Variants in SLC2A9 observed in about 807,000 individuals in gnomAD.
SLC2A9 encodes the protein solute carrier family 2, facilitated glucose transporter member 9.
A neutral mutation model predicts 50.6 loss-of-function variants in SLC2A9; 39 were observed. The ratio of observed to expected loss-of-function variants is 0.77; its 90% confidence interval spans 0.60 to 1.01. The LOEUF (loss-of-function observed/expected upper bound fraction) is 1.01, where lower values mean the gene tolerates loss of function less well. SLC2A9 is among the 50% of genes least tolerant of loss of function. SLC2A9 has a pLI of 0.00. For synonymous variants in SLC2A9, 324 were observed against 276.9 expected (o/e 1.17, Z -1.69); for missense variants, 686 against 677.6 (o/e 1.01, Z -0.14).
At chr4:9,915,954 A>G (rs1391835269) in intron 7 of SLC2A9, among the ~76,000 whole-genome samples, 5 of 152,242 alleles carry the variant, frequency 3.3e-5, no homozygotes, top group African/African-American at 9.6e-5. Flanking sequence ...TGATGGTTCA[A>G]CAAATCAGAT....
At chr4:9,848,937 T>G (rs1383753737) in intron 10 of SLC2A9, among the ~76,000 whole-genome samples, 1 of 152,104 alleles carries the variant, frequency 6.6e-6, no homozygotes, top group South Asian at 2.1e-4. Context: ...CTCCTGACCT[T>G]GTGATCCGCC....
chr4:9,961,309 T>C (rs1752237846), intron 5 of SLC2A9, among the ~76,000 whole-genome samples: 1 of 152,126 alleles, frequency 6.6e-6, no homozygotes, highest in East Asian at 1.9e-4. Flanking sequence ...CTTCAAACTA[T>C]ACTACAAGGC....
intron 5 of SLC2A9, among the ~76,000 whole-genome samples, chr4:9,948,584 C>T (rs547903754): frequency 6.6e-6 from 1 of 152,344 alleles, no homozygotes; most frequent in South Asian, 2.1e-4. Flanking sequence ...CAAGGCTACC[C>T]AGCCCTCCCC....
intron 5 of SLC2A9, among the ~76,000 whole-genome samples, chr4:9,971,038 C>T (rs1036326073): frequency 1.3e-5 from 2 of 152,150 alleles, no homozygotes; most frequent in African/African-American, 2.4e-5. Context: ...CATGTAAAAT[C>T]TTTAGTGTTG....
At chr4:9,887,450 C>T in intron 10 of SLC2A9, 117 bp downstream of exon 10, 5 of 954,988 alleles carry the variant, frequency 5.2e-6, no homozygotes, top group Non-Finnish European at 7.8e-6. Flanking sequence ...ACACACATCC[C>T]CAGTCAGGCT....
At chr4:10,004,792 G>A (rs560006790) in intron 2 of SLC2A9, among the ~76,000 whole-genome samples, 9 of 152,334 alleles carry the variant, frequency 5.9e-5, no homozygotes, top group Admixed American at 3.9e-4. Context: ...GCCAAGTCAT[G>A]AAGGCTTGGA....
intron 6 of SLC2A9, among the ~76,000 whole-genome samples, chr4:9,939,326 C>T (rs1446692760): frequency 6.6e-6 from 1 of 152,152 alleles, no homozygotes; most frequent in East Asian, 1.9e-4. Flanking sequence ...GGTTTGTGAA[C>T]TGGGGCATGC....
chr4:9,783,717 G>T (rs1718841078), intron 3 of SLC2A9: 2 of 432,840 alleles, frequency 4.6e-6, no homozygotes, highest in Non-Finnish European at 8.5e-6. Context: ...AAGAGAGTAT[G>T]GTGCTGGGTC....
chr4:9,879,116 T>A, intron 10 of SLC2A9: 1 of 981,712 alleles, frequency 1.0e-6, no homozygotes, highest in African/African-American at 1.8e-5. Flanking sequence ...TTTGAAGCAG[T>A]CCCTGATGTT....
At chr4:9,811,680 A>T (rs1722912197) in intron 3 of SLC2A9, among the ~76,000 whole-genome samples, 1 of 152,212 alleles carries the variant, frequency 6.6e-6, no homozygotes, top group Non-Finnish European at 1.5e-5. Context: ...CTGAGCCTGA[A>T]TTGCTGATGC....
intron 5 of SLC2A9, among the ~76,000 whole-genome samples, chr4:9,950,000 C>T (rs1749928135): frequency 6.6e-6 from 1 of 152,110 alleles, no homozygotes; most frequent in South Asian, 2.1e-4. Flanking sequence ...GGGAAGGACC[C>T]TGCTGGCCAC....
chr4:9,795,689 T>C (rs1480472983), downstream of SLC2A9, among the ~76,000 whole-genome samples: 7 of 152,220 alleles, frequency 4.6e-5, no homozygotes, highest in East Asian at 3.9e-4. Context: ...TCTTAATTGC[T>C]GATCAAAAAG....
chr4:9,861,404 C>T lies in SLC2A9; in HGVS notation c.1291+26163G>A, dbSNP rs549131418. Among the ~76,000 whole-genome samples, 5 of 152,126 alleles carry T rather than the reference C, an allele frequency of 3.3e-5. No individual in the cohort carries two copies. The East Asian group carries it at 7.7e-4, about 24-fold the overall frequency. ...GGTGCTAAACCATTCATGAGAAATC[C>T]AACCCCATGATCCAATCACCTCCCA... On this transcript the variant is annotated intron_variant, in intron 10 of 11. Coordinates refer to ENST00000264784, the MANE Select transcript of SLC2A9 (RefSeq NM_020041.3).
chr4:9,994,388 C>A (rs1758243049), intron 3 of SLC2A9, among the ~76,000 whole-genome samples: 1 of 152,126 alleles, frequency 6.6e-6, no homozygotes, highest in South Asian at 2.1e-4. Context: ...AAACTTCAGC[C>A]CAAATCAACT....
intron 3 of SLC2A9, among the ~76,000 whole-genome samples, chr4:9,784,360 A>T (rs1157310381): frequency 2.0e-5 from 3 of 152,216 alleles, no homozygotes; most frequent in Non-Finnish European, 4.4e-5. Flanking sequence ...CGATCAGTTC[A>T]TTGAAAAGAT....
At chr4:9,973,835 C>G (rs1008110965) in intron 5 of SLC2A9, among the ~76,000 whole-genome samples, 51 of 148,714 alleles carry the variant, frequency 3.4e-4, no homozygotes, top group African/African-American at 1.2e-3. Flanking sequence ...ACGTTGTGCA[C>G]ATGTACCCTA....
At chr4:9,968,764 T>C (rs554059106) in intron 5 of SLC2A9, among the ~76,000 whole-genome samples, 2 of 152,330 alleles carry the variant, frequency 1.3e-5, no homozygotes, top group African/African-American at 4.8e-5. Context: ...GGTTTTTCAT[T>C]GCCTTTTTAG....
chr4:9,931,872 C>T (rs1483032721), intron 6 of SLC2A9, among the ~76,000 whole-genome samples: 1 of 141,334 alleles, frequency 7.1e-6, no homozygotes, highest in African/African-American at 2.6e-5. Context: ...GGGCTTGATG[C>T]CACATGGAGA....
At chr4:9,797,013 T>C (rs1332726860), downstream of SLC2A9, among the ~76,000 whole-genome samples, 1 of 152,166 alleles carries the variant, frequency 6.6e-6, no homozygotes, top group African/African-American at 2.4e-5. Context: ...AATAATACAA[T>C]ACTATGATCT....
Sources: allele counts gnomAD v4.1 joint callset (sites outside exome capture counted in the v4.1 genomes callset), GRCh38; gene constraint gnomAD v4.1.1; transcripts MANE v1.5; gene names NCBI Gene and HGNC (gene_info 2026-07-23, HGNC 2026-07-21).